The following PTPRD variants were observed in gnomAD, a reference collection of about 807,000 sequenced individuals.
PTPRD encodes the protein receptor-type tyrosine-protein phosphatase delta.
In PTPRD, 34 loss-of-function variants were observed where a neutral mutation model predicts 214.5. The ratio of observed to expected loss-of-function variants is 0.16; its 90% confidence interval spans 0.12 to 0.21. The LOEUF is 0.21. Among genes scored for constraint, PTPRD ranks in the 10% least tolerant of loss-of-function variants. PTPRD has a pLI of 1.00. For missense variants in PTPRD, 2,545 were observed against 2,398.7 expected (o/e 1.06, Z -1.27); for synonymous variants, 1,128 against 845.7 (o/e 1.33, Z -5.79).
chr9:9,891,171 C>T (rs1248599196), intron 5 of PTPRD, among the ~76,000 whole-genome samples: 1 of 152,100 alleles, frequency 6.6e-6, no homozygotes, highest in Non-Finnish European at 1.5e-5. Flanking sequence ...GGTATATGCA[C>T]AGTTATGTAT....
intron 10 of PTPRD, among the ~76,000 whole-genome samples, chr9:9,103,927 G>A (rs1372592199): frequency 6.6e-6 from 1 of 152,108 alleles, no homozygotes; most frequent in Non-Finnish European, 1.5e-5. Context: ...AGGTTGCAGC[G>A]AGCCAAGATG....
intron 35 of PTPRD, among the ~76,000 whole-genome samples, chr9:8,405,322 T>G (rs1159706053): frequency 6.6e-6 from 1 of 152,152 alleles, no homozygotes; most frequent in East Asian, 1.9e-4. Flanking sequence ...TATTTATCAT[T>G]ATATATTTTC....
chr9:9,314,195 G>A (rs1447661492), intron 9 of PTPRD, among the ~76,000 whole-genome samples: 2 of 151,952 alleles, frequency 1.3e-5, no homozygotes, highest in East Asian at 3.9e-4. Flanking sequence ...TATTGTATAC[G>A]CCTCCTGGAA....
chr9:10,397,840 A>G (rs1318311223), intron 2 of PTPRD, among the ~76,000 whole-genome samples: 1 of 151,966 alleles, frequency 6.6e-6, no homozygotes, highest in Admixed American at 6.6e-5. Flanking sequence ...GCTGTATAGT[A>G]GGCAATATCA....
At chr9:8,669,580 C>T (rs1025801784) in intron 12 of PTPRD, among the ~76,000 whole-genome samples, 2 of 152,106 alleles carry the variant, frequency 1.3e-5, no homozygotes, top group African/African-American at 4.8e-5. Flanking sequence ...GCTGTGCTAT[C>T]CAAGTCACCT....
chr9:8,550,750 C>T (rs1370696333), intron 14 of PTPRD, among the ~76,000 whole-genome samples: 2 of 152,142 alleles, frequency 1.3e-5, no homozygotes, highest in Non-Finnish European at 2.9e-5. Flanking sequence ...GATCCATTGG[C>T]CCTATAGTCT....
chr9:8,534,379 G>C (rs1039334447), intron 14 of PTPRD, among the ~76,000 whole-genome samples: 6 of 151,820 alleles, frequency 4.0e-5, no homozygotes, highest in African/African-American at 1.5e-4. Flanking sequence ...AAAAAGCCCA[G>C]GAGTGAACCA....
chr9:8,745,860 C>G (rs1565744168), intron 11 of PTPRD, among the ~76,000 whole-genome samples: 1 of 151,996 alleles, frequency 6.6e-6, no homozygotes, highest in Non-Finnish European at 1.5e-5. Flanking sequence ...TGCAGTGGCA[C>G]AATCACAGGT....
At chr9:10,391,253 T>C (rs918919838) in intron 2 of PTPRD, among the ~76,000 whole-genome samples, 2 of 151,802 alleles carry the variant, frequency 1.3e-5, no homozygotes, top group Admixed American at 6.6e-5. Context: ...AAGCAACATA[T>C]CAGGATGAGA....
chr9:10,007,190 A>T (rs149250005), intron 4 of PTPRD, among the ~76,000 whole-genome samples: 1 of 152,168 alleles, frequency 6.6e-6, no homozygotes, highest in Admixed American at 6.6e-5. Flanking sequence ...TTATCTCTGC[A>T]CTAAACTATA....
At chr9:9,689,365 T>C (rs1294039306) in intron 7 of PTPRD, among the ~76,000 whole-genome samples, 1 of 151,948 alleles carries the variant, frequency 6.6e-6, no homozygotes, top group Non-Finnish European at 1.5e-5. Context: ...TAAATATATA[T>C]GCATTTTACT....
chr9:9,378,955 A>T lies in PTPRD; in HGVS notation c.-203+18494T>A, dbSNP rs549407989. 5.9e-5 allele frequency among the ~76,000 whole-genome samples: 9 copies of T among 151,660 alleles called. No homozygotes were observed. The South Asian group carries it at 1.9e-3, about 32-fold the overall frequency. On this transcript the variant is annotated intron_variant, in intron 9 of 45. Transcript: ENST00000381196. ...ATTTTCTTTTTCCATTCTGTGGCTT[A>T]TCTTCTCATTCTCTTGACATTGTAT...
chr9:9,419,417 C>A (rs1569568155), intron 8 of PTPRD, among the ~76,000 whole-genome samples: 1 of 151,522 alleles, frequency 6.6e-6, no homozygotes, highest in South Asian at 2.1e-4. Context: ...AATGACTCTT[C>A]AACAGTTTTA....
chr9:10,227,735 G>A (rs1439281228), intron 3 of PTPRD, among the ~76,000 whole-genome samples: 5 of 151,878 alleles, frequency 3.3e-5, no homozygotes, highest in African/African-American at 9.7e-5. Context: ...TGTTTGTTTT[G>A]TATCATCTGT....
chr9:9,240,648 T>G (rs2099969907), intron 9 of PTPRD, among the ~76,000 whole-genome samples: 1 of 152,206 alleles, frequency 6.6e-6, no homozygotes, highest in Admixed American at 6.6e-5. Flanking sequence ...TATTAAAATA[T>G]ATGGAAGCAT....
rs186065483 is a variant in PTPRD at position 10,447,213 on chromosome 9, G to A, written c.-599-106196C>T. Among the ~76,000 whole-genome samples, 36 of 152,066 alleles carry A rather than the reference G, an allele frequency of 2.4e-4. 2 individuals carry two copies. The highest frequency in any genetic ancestry group is 6.5e-4 in the African/African-American group (27 of 41,394). Reference sequence around the variant, plus strand: ...TAACAGGAGATCCATTTCAGCCTGCGTGCAGCAAAATTTAGTGCCAAGTCA... The same window carrying A: ...TAACAGGAGATCCATTTCAGCCTGCATGCAGCAAAATTTAGTGCCAAGTCA... On this transcript the variant is annotated intron_variant, in intron 2 of 45. Coordinates refer to ENST00000381196, the MANE Select transcript of PTPRD (RefSeq NM_002839.4).
rs111244951 is a variant in PTPRD, at chr9:8,697,786, G to C, written c.64+35994C>G. ...GTGGGTGTGTGTGTGTGTGTGTTTGGGGAGGAGCACACACAATTGTATGCA... is the reference window on the plus strand; with the variant it reads ...GTGGGTGTGTGTGTGTGTGTGTTTGCGGAGGAGCACACACAATTGTATGCA... On this transcript the variant is annotated intron_variant, in intron 12 of 45. Coordinates refer to ENST00000381196, the MANE Select transcript of PTPRD (RefSeq NM_002839.4). Among the ~76,000 whole-genome samples the C allele has an allele frequency of 3.0e-3, 463 of 152,020 alleles. 2 individuals are homozygous for C. Among genetic ancestry groups the C allele is most frequent in the African/African-American group, 0.011 (449 of 41,466 alleles).
chr9:9,511,209 T>C (rs1235930156), intron 8 of PTPRD, among the ~76,000 whole-genome samples: 4 of 151,906 alleles, frequency 2.6e-5, no homozygotes, highest in Admixed American at 2.6e-4. Context: ...TATGACTATG[T>C]AGTAAATGGA....
intron 5 of PTPRD, among the ~76,000 whole-genome samples, chr9:9,851,095 T>C (rs907495933): frequency 6.6e-6 from 1 of 152,172 alleles, no homozygotes; most frequent in African/African-American, 2.4e-5. Context: ...TAAGCTTATT[T>C]AAGGATGAAA....
Sources: allele counts gnomAD v4.1 joint callset (sites outside exome capture counted in the v4.1 genomes callset), GRCh38; gene constraint gnomAD v4.1.1; transcripts MANE v1.5; gene names NCBI Gene and HGNC (gene_info 2026-07-23, HGNC 2026-07-21).